SRSF11: variants seen among roughly 807,000 people sequenced by gnomAD.
SRSF11 encodes serine/arginine-rich splicing factor 11.
A neutral mutation model predicts 56.0 loss-of-function variants in SRSF11; 9 were observed. That is an observed-to-expected ratio of 0.16 (90% CI 0.10 to 0.28). The LOEUF (loss-of-function observed/expected upper bound fraction) is 0.28, where lower values mean the gene tolerates loss of function less well. SRSF11 is among the 10% of genes least tolerant of loss of function. SRSF11 has a pLI of 1.00. For synonymous variants in SRSF11, 222 were observed against 215.3 expected, an observed-to-expected ratio of 1.03 and a Z score of -0.27; for missense variants, 421 against 600.7, an observed-to-expected ratio of 0.70 and a Z score of 3.13.
Position 70,253,047 on chromosome 1 carries a change from G to GA in SRSF11, c.*2247dup, listed in dbSNP as rs1678149246. 6.6e-5 allele frequency: 10 copies of GA among 152,302 alleles called. No individual in the cohort carries two copies. In the South Asian group the frequency reaches 1.7e-3, roughly 25 times the overall value. 9.4% of individuals were successfully genotyped at this position (152,302 alleles called of 1,614,324 possible). ...TTAAAAATAAAAGTGGTTTTTGTTAGAAAAATGTTTTGTCCTTATTTATTT... is the reference window on the plus strand; with the variant it reads ...TTAAAAATAAAAGTGGTTTTTGTTAGAAAAAATGTTTTGTCCTTATTTATTT... On this transcript the variant is annotated 3_prime_UTR_variant, in exon 12 of 12. Transcript: ENST00000370949.
Position 70,249,934 on chromosome 1 carries a change from G to A in SRSF11, c.1023-18G>A, listed in dbSNP as rs1677614900. 1 of 1,612,592 alleles carries A rather than the reference G, an allele frequency of 6.2e-7. No individual in the cohort carries two copies. Among genetic ancestry groups the A allele is most frequent in the Admixed American group, 1.7e-5 (1 of 59,984 alleles). On this transcript the variant is annotated intron_variant, in intron 9 of 11. Coordinates refer to ENST00000370949, the MANE Select transcript of SRSF11 (RefSeq NM_001350605.2). The stretch of plus-strand genomic sequence containing the variant: ...CACACTGTATTTTAAAACCTAGTTT[G>A]CACATTTGTGATTCTAGAGAGAGAC...
chr1:70,229,399 A>G, intron 2 of SRSF11: 3 of 1,080,166 alleles, frequency 2.8e-6, no homozygotes, highest in Non-Finnish European at 3.4e-6. Flanking sequence ...AATTTGACAG[A>G]AAAAAATGAG....
intron 8 of SRSF11, among the ~76,000 whole-genome samples, chr1:70,245,117 T>C (rs1571918165): frequency 6.6e-6 from 1 of 152,320 alleles, no homozygotes; most frequent in East Asian, 1.9e-4. Context: ...TAAAAATATA[T>C]TCAAAAACCA....
intron 1 of SRSF11, among the ~76,000 whole-genome samples, chr1:70,222,600 A>C (rs1670899666): frequency 6.6e-6 from 1 of 152,236 alleles, no homozygotes; most frequent in Non-Finnish European, 1.5e-5. Context: ...AGTTCAAAGA[A>C]GCTAAGAAGT....
At chr1:70,222,183 G>C (rs1670800380) in intron 1 of SRSF11, among the ~76,000 whole-genome samples, 1 of 152,066 alleles carries the variant, frequency 6.6e-6, no homozygotes, top group Non-Finnish European at 1.5e-5. Flanking sequence ...TTAAAAAACT[G>C]AGTATTTGTT....
chr1:70,207,291 G>A (rs1448667135), intron 1 of SRSF11, among the ~76,000 whole-genome samples: 7 of 151,928 alleles, frequency 4.6e-5, no homozygotes, highest in African/African-American at 1.2e-4. Flanking sequence ...TGCCTTATTG[G>A]GCCCATACCA....
intron 1 of SRSF11, among the ~76,000 whole-genome samples, chr1:70,208,255 C>T (rs1368871667): frequency 6.6e-6 from 1 of 152,008 alleles, no homozygotes; most frequent in Non-Finnish European, 1.5e-5. Flanking sequence ...TGGCCATATG[C>T]TTGTGGTAAA....
intron 9 of SRSF11, among the ~76,000 whole-genome samples, chr1:70,247,954 A>G (rs1161187195): frequency 6.6e-6 from 1 of 152,140 alleles, no homozygotes. Context: ...AAACCAGACC[A>G]CAGTGAGATA....
At chr1:70,212,075 T>G (rs974004075) in intron 1 of SRSF11, among the ~76,000 whole-genome samples, 2 of 152,062 alleles carry the variant, frequency 1.3e-5, no homozygotes, top group African/African-American at 4.8e-5. Context: ...GGGGTGGCAA[T>G]TGGTGGAGAG....
At chr1:70,249,613 G>C (rs1677537481) in intron 9 of SRSF11, 1 of 208,242 alleles carries the variant, frequency 4.8e-6, no homozygotes, top group Non-Finnish European at 9.7e-6. Flanking sequence ...CTGGAGTGCA[G>C]TGGCCCTATC....
chr1:70,239,632 C>T (rs10489927), intron 7 of SRSF11, 112 bp downstream of exon 7: 68,618 of 742,364 alleles, frequency 0.092, 4,476 homozygotes, highest in East Asian at 0.3. Flanking sequence ...TTTTAGTAAC[C>T]TCTGCTGTTA....
upstream of SRSF11, among the ~76,000 whole-genome samples, chr1:70,217,797 T>A (rs927464770): frequency 6.6e-6 from 1 of 152,212 alleles, no homozygotes; most frequent in Admixed American, 6.5e-5. Context: ...CAGGTATATG[T>A]CTTATTCCTA....
chr1:70,246,439 AT>A (rs1157912613), intron 8 of SRSF11, among the ~76,000 whole-genome samples: 5 of 152,042 alleles, frequency 3.3e-5, no homozygotes, highest in Non-Finnish European at 4.4e-5. Flanking sequence ...GTAGTGCTCT[AT>A]GGGTTTTGGC....
intron 1 of SRSF11, among the ~76,000 whole-genome samples, chr1:70,223,834 ATATT>A (rs1407490408): frequency 1.3e-5 from 2 of 152,176 alleles, no homozygotes; most frequent in African/African-American, 2.4e-5. Context: ...CATTCCAAAA[ATATT>A]TATTCATAAC....
intron 5 of SRSF11, among the ~76,000 whole-genome samples, 169 bp from the exon 6 acceptor site, chr1:70,237,256 C>T (rs528239981): frequency 6.6e-6 from 1 of 152,156 alleles, no homozygotes; most frequent in Non-Finnish European, 1.5e-5. Flanking sequence ...TGTAAATATT[C>T]AAAACAGTGC....
chr1:70,249,089 G>A (rs1297989811), intron 9 of SRSF11: 5 of 152,062 alleles, frequency 3.3e-5, no homozygotes, highest in Admixed American at 6.6e-5. Flanking sequence ...GTAAAAAGGA[G>A]GGGAAGGCTG....
chr1:70,230,797 G>C, intron 2 of SRSF11: 3 of 1,174,306 alleles, frequency 2.6e-6, no homozygotes, highest in Non-Finnish European at 3.2e-6. Flanking sequence ...GCACTAATTT[G>C]AGTAAGATGT....
chr1:70,233,116 T>G (rs1405726236), intron 3 of SRSF11, among the ~76,000 whole-genome samples: 1 of 152,230 alleles, frequency 6.6e-6, no homozygotes, highest in African/African-American at 2.4e-5. Context: ...CCTAAGCTTT[T>G]TAGGTGTGAC....
chr1:70,216,345 G>A (rs1307697137), intron 1 of SRSF11, among the ~76,000 whole-genome samples: 1 of 151,422 alleles, frequency 6.6e-6, no homozygotes, highest in African/African-American at 2.4e-5. Context: ...TGGGGAACCT[G>A]TAAGTTATTT....
Sources: allele counts gnomAD v4.1 joint callset (sites outside exome capture counted in the v4.1 genomes callset), GRCh38; gene constraint gnomAD v4.1.1; transcripts MANE v1.5; gene names NCBI Gene and HGNC (gene_info 2026-07-23, HGNC 2026-07-21).